KCNIP4: variants seen among roughly 807,000 people sequenced by gnomAD.
KCNIP4 encodes the protein Kv channel-interacting protein 4.
Under a neutral mutation model 34.0 loss-of-function variants are expected in KCNIP4, and 12 were observed. That is an observed-to-expected ratio of 0.35 (90% CI 0.23 to 0.57). The LOEUF is 0.57. Among genes scored for constraint, KCNIP4 ranks in the 20% least tolerant of loss-of-function variants. The probability of loss-of-function intolerance (pLI) is 0.83; values close to 1 mark genes in which losing one functional copy is unlikely to be tolerated. For synonymous variants in KCNIP4, 124 were observed against 102.2 expected (o/e 1.21, Z -1.29); for missense variants, 238 against 311.7 (o/e 0.76, Z 1.78).
chr4:21,532,115 A>C (rs1164858248), intron 1 of KCNIP4, among the ~76,000 whole-genome samples: 1 of 152,160 alleles, frequency 6.6e-6, no homozygotes, highest in Non-Finnish European at 1.5e-5. Context: ...ACTTAACTGC[A>C]AAACGAAGTC....
intron 1 of KCNIP4, among the ~76,000 whole-genome samples, chr4:21,750,973 T>C (rs1717113276): frequency 6.6e-6 from 1 of 152,086 alleles, no homozygotes; most frequent in African/African-American, 2.4e-5. Context: ...CTTAAGACTG[T>C]CCATTTGTAG....
chr4:21,091,924 T>C (rs1747031627), intron 1 of KCNIP4, among the ~76,000 whole-genome samples: 1 of 152,138 alleles, frequency 6.6e-6, no homozygotes, highest in Admixed American at 6.5e-5. Flanking sequence ...ATTCAGTCCA[T>C]AAGACCATGA....
At chr4:21,123,083 G>A (rs922753651) in intron 1 of KCNIP4, among the ~76,000 whole-genome samples, 3 of 152,002 alleles carry the variant, frequency 2.0e-5, no homozygotes, top group Non-Finnish European at 2.9e-5. Context: ...ACTTGGTGGC[G>A]GGCGCCTGTA....
Position 20,898,827 on chromosome 4 carries a change from A to G in KCNIP4, c.62-16118T>C, listed in dbSNP as rs545616984. 4.6e-5 allele frequency among the ~76,000 whole-genome samples: 7 copies of G among 152,300 alleles called. No homozygotes were observed. In the East Asian group the frequency reaches 1.4e-3, roughly 29 times the overall value. On this transcript the variant is annotated intron_variant, in intron 1 of 8. Transcript: ENST00000382152. ...TCTATGAAACTTTCTCAATGCGACTACCAATTATTTTGTACCTGCTATTGG... is the reference window on the plus strand; with the variant it reads ...TCTATGAAACTTTCTCAATGCGACTGCCAATTATTTTGTACCTGCTATTGG...
Position 21,440,741 on chromosome 4 carries a change from C to T in KCNIP4, c.61+507830G>A, listed in dbSNP as rs532584162. Reference sequence around the variant, plus strand: ...ATTCGACTTGAATAAATATCAGAATCATTTTTATATTGTTAAAATAGTGCC... The same window carrying T: ...ATTCGACTTGAATAAATATCAGAATTATTTTTATATTGTTAAAATAGTGCC... On this transcript the variant is annotated intron_variant, in intron 1 of 8. Transcript: ENST00000382152. 2.0e-5 allele frequency among the ~76,000 whole-genome samples: 3 copies of T among 152,262 alleles called. No homozygotes were observed. In the East Asian group the frequency reaches 5.8e-4, roughly 29 times the overall value.
chr4:21,506,843 G>GT (rs1013001280), intron 1 of KCNIP4, among the ~76,000 whole-genome samples: 8 of 151,990 alleles, frequency 5.3e-5, no homozygotes, highest in Non-Finnish European at 1.0e-4. Context: ...CCAGGCTGGA[G>GT]TGCAGTGGCA....
intron 1 of KCNIP4, among the ~76,000 whole-genome samples, chr4:20,915,735 A>T (rs1728749481): frequency 6.6e-6 from 1 of 152,172 alleles, no homozygotes; most frequent in Non-Finnish European, 1.5e-5. Flanking sequence ...TATTTGATCT[A>T]CTAGTCAGTG....
chr4:20,731,671 G>A (rs1748259152), intron 8 of KCNIP4: 1 of 985,080 alleles, frequency 1.0e-6, no homozygotes, highest in African/African-American at 1.7e-5. Flanking sequence ...GATAATATAT[G>A]AGTGATGCTA....
intron 1 of KCNIP4, among the ~76,000 whole-genome samples, chr4:21,225,822 A>T (rs1360668162): frequency 6.6e-6 from 1 of 152,096 alleles, no homozygotes; most frequent in East Asian, 1.9e-4. Context: ...ATTTAGTTGG[A>T]GACAAGATAG....
chr4:21,589,325 CACGTGTATATATAT>C (rs1741973319), intron 1 of KCNIP4, among the ~76,000 whole-genome samples: 1 of 135,948 alleles, frequency 7.4e-6, no homozygotes, highest in East Asian at 2.2e-4. Context: ...TGTACATATA[CACGTGTATATATAT>C]ACATGTGTAT....
In KCNIP4 at chr4:20,855,977, G is replaced by A. The variant is rs557295957; in HGVS notation, c.164-5310C>T. 1.0e-3 allele frequency among the ~76,000 whole-genome samples: 153 copies of A among 152,258 alleles called. 5 individuals are homozygous for A. The highest frequency in any genetic ancestry group is 5.4e-3 in the Admixed American group (83 of 15,278). On this transcript the variant is annotated intron_variant, in intron 2 of 8. Coordinates refer to ENST00000382152, the MANE Select transcript of KCNIP4 (RefSeq NM_025221.6). ...AAGAGCTCAAAGTAGCTGGAAAAAG[G>A]CACCTAGGCATTAACAAATTGATCT...
intron 1 of KCNIP4, among the ~76,000 whole-genome samples, chr4:21,147,297 C>T (rs1752431412): frequency 6.6e-6 from 1 of 152,182 alleles, no homozygotes. Context: ...TCCTTCAGTT[C>T]TCGGGGAGGC....
At chr4:21,687,208 T>C in intron 1 of KCNIP4, among the ~76,000 whole-genome samples, 1 of 142,238 alleles carries the variant, frequency 7.0e-6, no homozygotes, top group East Asian at 2.3e-4. Flanking sequence ...TTGGGAGATA[T>C]ACCTAATGCT....
intron 3 of KCNIP4, among the ~76,000 whole-genome samples, chr4:20,816,747 C>T (rs1179957740): frequency 6.6e-6 from 1 of 152,156 alleles, no homozygotes; most frequent in Non-Finnish European, 1.5e-5. Flanking sequence ...ACTGAAAGAA[C>T]CGTGGAGGTT....
intron 1 of KCNIP4, among the ~76,000 whole-genome samples, chr4:20,974,596 T>C (rs1735298853): frequency 6.6e-6 from 1 of 152,164 alleles, no homozygotes; most frequent in Admixed American, 6.5e-5. Flanking sequence ...GTGCTAAAAG[T>C]GTTGCTCAGA....
At chr4:21,461,400 A>C (rs539456966) in intron 1 of KCNIP4, among the ~76,000 whole-genome samples, 3 of 151,122 alleles carry the variant, frequency 2.0e-5, no homozygotes, top group Non-Finnish European at 4.4e-5. Flanking sequence ...GGACTAATAC[A>C]AATATGAACA....
chr4:21,738,551 T>C (rs1053764064), intron 1 of KCNIP4, among the ~76,000 whole-genome samples: 12 of 152,202 alleles, frequency 7.9e-5, no homozygotes, highest in Admixed American at 2.0e-4. Context: ...TTGTGTTACA[T>C]AAATGTTTGA....
chr4:21,199,377 T>TA (rs1233588378), intron 1 of KCNIP4, among the ~76,000 whole-genome samples: 1 of 152,232 alleles, frequency 6.6e-6, no homozygotes, highest in African/African-American at 2.4e-5. Flanking sequence ...TCTTGAGAAC[T>TA]ATCTGTTCAT....
intron 1 of KCNIP4, among the ~76,000 whole-genome samples, chr4:21,757,189 AGG>A (rs1717658311): frequency 2.8e-5 from 1 of 35,148 alleles, no homozygotes. Context: ...GAAGGAAGGA[AGG>A]AAGGAAGGAA....
Sources: gnomAD v4.1 joint callset for allele counts (sites outside exome capture counted in the v4.1 genomes callset) on GRCh38, gnomAD v4.1.1 for gene constraint, MANE v1.5 for transcripts, NCBI Gene and HGNC (gene_info 2026-07-23, HGNC 2026-07-21) for gene names.